Variants in EPHB1 observed in about 807,000 individuals in gnomAD.
EPHB1 encodes the protein EPH receptor B1.
EPHB1 carries 30 observed loss-of-function variants against 94.4 expected under a neutral mutation model. The ratio of observed to expected loss-of-function variants is 0.32; its 90% CI spans 0.24 to 0.43. EPHB1 has a LOEUF of 0.43. Among genes scored for constraint, EPHB1 ranks in the 20% least tolerant of loss-of-function variants. EPHB1 has a pLI of 1.00. For missense variants in EPHB1, 1,055 were observed against 1,308.3 expected (o/e 0.81, Z 2.99); for synonymous variants, 522 against 489.1 (o/e 1.07, Z -0.89).
At chr3:135,129,776 C>T (rs1940354712) in intron 4 of EPHB1, among the ~76,000 whole-genome samples, 1 of 152,152 alleles carries the variant, frequency 6.6e-6, no homozygotes, top group Non-Finnish European at 1.5e-5. Flanking sequence ...GGAATGGGTG[C>T]TAGACCTTGA....
Position 135,089,551 on chromosome 3 carries a change from A to AG in EPHB1, c.806-16894dup, listed in dbSNP as rs1938484411. ...GTGAAGTGAGACACATCAGGTGCCGAGGGTAGGAGGGCCTGGCCATGCTTC... is the reference window on the plus strand; with the variant it reads ...GTGAAGTGAGACACATCAGGTGCCGAGGGGTAGGAGGGCCTGGCCATGCTTC... On this transcript the variant is annotated intron_variant, in intron 3 of 15. Transcript: ENST00000398015. Among the ~76,000 whole-genome samples, 4 of 152,176 alleles carry AG rather than the reference A, an allele frequency of 2.6e-5. No homozygotes were observed. In the South Asian group the frequency reaches 8.3e-4, roughly 31 times the overall value.
At chr3:134,989,188 G>C (rs1361332122) in intron 3 of EPHB1, among the ~76,000 whole-genome samples, 1 of 152,176 alleles carries the variant, frequency 6.6e-6, no homozygotes, top group Non-Finnish European at 1.5e-5. Flanking sequence ...ACATAAATCA[G>C]AAAGGCTCTG....
chr3:134,922,508 C>A (rs1025523750), intron 1 of EPHB1, among the ~76,000 whole-genome samples: 8 of 152,210 alleles, frequency 5.3e-5, no homozygotes, highest in African/African-American at 1.9e-4. Flanking sequence ...AGCACTAGAG[C>A]AGGTGATCAT....
intron 1 of EPHB1, among the ~76,000 whole-genome samples, chr3:134,798,015 T>A (rs1459408260): frequency 2.0e-5 from 3 of 152,106 alleles, no homozygotes; most frequent in African/African-American, 7.2e-5. Flanking sequence ...CCAGCGTTAT[T>A]TGGTTCGTGA....
intron 1 of EPHB1, among the ~76,000 whole-genome samples, chr3:134,810,888 A>G (rs552685547): frequency 1.1e-4 from 17 of 152,162 alleles, no homozygotes; most frequent in Non-Finnish European, 2.1e-4. Context: ...TAAGCCTAGC[A>G]GGGTACTGGT....
chr3:134,840,011 C>T (rs2036747099), intron 1 of EPHB1, among the ~76,000 whole-genome samples: 2 of 152,136 alleles, frequency 1.3e-5, no homozygotes, highest in South Asian at 4.2e-4. Flanking sequence ...TTTATGGGGA[C>T]ACATTATTCC....
chr3:134,822,432 G>A (rs570205567), intron 1 of EPHB1, among the ~76,000 whole-genome samples: 14 of 152,084 alleles, frequency 9.2e-5, no homozygotes, highest in South Asian at 4.2e-4. Context: ...GTGGTATGCC[G>A]GGTGATGGGG....
intron 1 of EPHB1, among the ~76,000 whole-genome samples, chr3:134,830,499 G>A (rs1429602565): frequency 1.3e-5 from 2 of 152,026 alleles, no homozygotes; most frequent in Non-Finnish European, 2.9e-5. Flanking sequence ...GGGGAGTTTT[G>A]CAGGGAGCTT....
intron 3 of EPHB1, among the ~76,000 whole-genome samples, chr3:135,014,935 A>C (rs1029115954): frequency 2.0e-5 from 3 of 152,142 alleles, no homozygotes; most frequent in African/African-American, 7.2e-5. Flanking sequence ...ATAGACCTCA[A>C]GAGGGAAAGA....
In EPHB1 at chr3:135,259,739, C is replaced by T. The variant is rs1373129781; in HGVS notation, c.*619C>T. The T allele has an allele frequency of 4.8e-6, 1 of 209,100 alleles. No individual in the cohort carries two copies. The highest frequency in any genetic ancestry group is 9.8e-6 in the Non-Finnish European group (1 of 102,510). The allele number at this position is 209,100 out of a possible 1,614,324, so 13.0% of individuals were successfully genotyped here. ...GTCTTCATATTGAAGAAGAGATGTA[C>T]CTTCAATTGAAAACCTCGTTTTTCT... On this transcript the variant is annotated 3_prime_UTR_variant, in exon 16 of 16. Coordinates refer to ENST00000398015, the MANE Select transcript of EPHB1 (RefSeq NM_004441.5).
At chr3:134,810,570 A>G (rs1031351021) in intron 1 of EPHB1, among the ~76,000 whole-genome samples, 3 of 152,274 alleles carry the variant, frequency 2.0e-5, no homozygotes, top group East Asian at 1.9e-4. Flanking sequence ...TGAGAGAACA[A>G]TTATAGTATT....
In EPHB1 at chr3:135,119,546, G is replaced by A. The variant is rs533815722; in HGVS notation, c.961+12943G>A. Among the ~76,000 whole-genome samples the A allele has an allele frequency of 1.8e-3, 276 of 152,084 alleles. 1 individual carries two copies. The highest frequency in any genetic ancestry group is 6.3e-3 in the African/African-American group (260 of 41,492). On this transcript the variant is annotated intron_variant, in intron 4 of 15. Coordinates refer to ENST00000398015, the MANE Select transcript of EPHB1 (RefSeq NM_004441.5). ...AGGTTCACTGCAACCTCCACCTCCC[G>A]GGTTCAAGCAATTCTCCCACCTCAG...
At chr3:135,226,666 C>T (rs1943411019) in intron 12 of EPHB1, among the ~76,000 whole-genome samples, 1 of 152,194 alleles carries the variant, frequency 6.6e-6, no homozygotes, top group East Asian at 1.9e-4. Flanking sequence ...TCTTCCCCTA[C>T]ACCTGGGGGA....
intron 1 of EPHB1, among the ~76,000 whole-genome samples, chr3:134,830,808 T>C (rs1225955758): frequency 2.0e-5 from 3 of 152,174 alleles, no homozygotes; most frequent in African/African-American, 7.2e-5. Context: ...TGGTGGGCCA[T>C]AAGATGCTGA....
chr3:134,989,497 GCACA>G (rs61202894), intron 3 of EPHB1, among the ~76,000 whole-genome samples: 45 of 149,968 alleles, frequency 3.0e-4, no homozygotes, highest in South Asian at 2.3e-3. Context: ...ACGCGCGCGT[GCACA>G]CACACACACA....
At chr3:135,137,751 TGA>T (rs1478790013) in intron 5 of EPHB1, among the ~76,000 whole-genome samples, 3 of 152,168 alleles carry the variant, frequency 2.0e-5, no homozygotes, top group Non-Finnish European at 4.4e-5. Flanking sequence ...TGCTATGGAC[TGA>T]GAGATTAGCA....
intron 3 of EPHB1, among the ~76,000 whole-genome samples, chr3:134,998,706 T>C (rs112770632): frequency 9.8e-5 from 15 of 152,368 alleles, no homozygotes; most frequent in African/African-American, 3.4e-4. Flanking sequence ...AAATCATTTA[T>C]TCATTTATCT....
At position 134,795,550 on chromosome 3, in the gene EPHB1, A is replaced by G; in HGVS notation, c.-82A>G. ...GGATACCGAGAAGCCACCCGCGGAG[A>G]GCGCAGCGGCGCCCTGGGACGCGGC... On this transcript the variant is annotated 5_prime_UTR_variant, in exon 1 of 16. Transcript: ENST00000398015. 3.0e-6 allele frequency: 4 copies of G among 1,353,256 alleles called. No individual in the cohort carries two copies. Among genetic ancestry groups the G allele is most frequent in the Non-Finnish European group, 4.1e-6 (4 of 979,978 alleles). 83.8% of individuals were successfully genotyped at this position (1,353,256 alleles called of 1,614,324 possible).
intron 1 of EPHB1, among the ~76,000 whole-genome samples, chr3:134,861,369 C>G (rs955920325): frequency 1.3e-5 from 2 of 152,066 alleles, no homozygotes; most frequent in Non-Finnish European, 2.9e-5. Flanking sequence ...CCTTGGCAGG[C>G]CTGTTTCCTG....
Sources: gnomAD v4.1 joint callset for allele counts (sites outside exome capture counted in the v4.1 genomes callset) on GRCh38, gnomAD v4.1.1 for gene constraint, MANE v1.5 for transcripts, NCBI Gene and HGNC (gene_info 2026-07-23, HGNC 2026-07-21) for gene names.